Variants in NDUFA10 observed in about 807,000 individuals in gnomAD.
NDUFA10 encodes NADH:ubiquinone oxidoreductase subunit A10, also known as NADH dehydrogenase [ubiquinone] 1 alpha subcomplex subunit 10, mitochondrial.
NDUFA10 carries 40 observed loss-of-function variants against 47.8 expected under a neutral mutation model. That is an observed-to-expected ratio of 0.84 (90% confidence interval 0.65 to 1.09). NDUFA10 has a LOEUF of 1.09. Among genes scored for constraint, NDUFA10 ranks in the 50% least tolerant of loss-of-function variants. The pLI, the probability that NDUFA10 is intolerant of heterozygous loss-of-function variation, is 0.00. For synonymous variants in NDUFA10, 183 were observed against 172.2 expected (o/e 1.06, Z -0.49); for missense variants, 413 against 451.1 (o/e 0.92, Z 0.76).
chr2:239,961,150 C>T lies in NDUFA10; in HGVS notation c.1036G>A (p.Glu346Lys), dbSNP rs568984617. ...GRKYSPGYNT[E>K]VGDKWIWLK ...AGCCAGATCCACTTGTCTCCCACCT[C>T]GGTGTTGTACCCAGGGCTGTACTTG... Residue 346 changes from glutamate (E) to lysine (K), a missense_variant, in exon 10 of 10, where the codon GAG (glutamate) becomes AAG (lysine). Transcript: ENST00000252711. The T allele has an allele frequency of 5.0e-5, 81 of 1,614,156 alleles. No individual in the cohort carries two copies. The highest frequency in any genetic ancestry group is 2.7e-4 in the Admixed American group (16 of 60,024).
chr2:239,937,826 T>C lies in NDUFA10; in HGVS notation c.295-42512A>G, dbSNP rs576480247. ...TTCTCCACATCCTTGTCAACGTTGG[T>C]TACCATCTACCTTTTTATTACAGCC... On this transcript the variant is annotated intron_variant, in intron 4 of 5. Transcript: ENST00000419408. Among the ~76,000 whole-genome samples, 14 of 152,302 alleles carry C rather than the reference T, an allele frequency of 9.2e-5. No homozygotes were observed. The South Asian group carries it at 2.9e-3, about 32-fold the overall frequency.
chr2:239,972,643 C>T (rs571452022), intron 9 of NDUFA10, among the ~76,000 whole-genome samples: 2 of 152,274 alleles, frequency 1.3e-5, no homozygotes, highest in Non-Finnish European at 2.9e-5. Context: ...AGTCAACTTT[C>T]AAAAACCATA....
chr2:240,008,277 G>C (rs1697019680), intron 6 of NDUFA10, among the ~76,000 whole-genome samples: 1 of 152,096 alleles, frequency 6.6e-6, no homozygotes, highest in Non-Finnish European at 1.5e-5. Context: ...ACTGCAACGA[G>C]ATCACTGCAC....
At chr2:239,994,194 C>G (rs1326886028) in intron 8 of NDUFA10, among the ~76,000 whole-genome samples, 1 of 152,122 alleles carries the variant, frequency 6.6e-6, no homozygotes, top group African/African-American at 2.4e-5. Flanking sequence ...CTGTCCCCAG[C>G]CTCCGGGCCA....
intron 4 of NDUFA10, among the ~76,000 whole-genome samples, chr2:239,910,441 C>T (rs1388710339): frequency 6.6e-6 from 1 of 152,166 alleles, no homozygotes. Flanking sequence ...TGGAAGCCAT[C>T]ATCCTCAGTC....
In NDUFA10 at chr2:239,958,019, A is replaced by C. The variant is rs946913739; in HGVS notation, c.*3099T>G. The C allele has an allele frequency of 6.6e-6, 1 of 152,250 alleles. No homozygotes were observed. The highest frequency in any genetic ancestry group is 1.5e-5 in the Non-Finnish European group (1 of 68,052). The allele number at this position is 152,250 out of a possible 1,614,324, so 9.4% of individuals were successfully genotyped here. On this transcript the variant is annotated 3_prime_UTR_variant, in exon 10 of 10. Coordinates refer to ENST00000252711, the MANE Select transcript of NDUFA10 (RefSeq NM_004544.4). ...AATCACCTCCTCTGTTTTCTGGCTC[A>C]TGATTTTCCTAAAGCAAAGCCTCAG... is the stretch of plus-strand genomic sequence containing the variant.
intron 6 of NDUFA10, among the ~76,000 whole-genome samples, chr2:240,007,952 A>G (rs1201937632): frequency 1.3e-5 from 2 of 152,210 alleles, no homozygotes; most frequent in African/African-American, 4.8e-5. Flanking sequence ...GTAAACATAC[A>G]GGGTAAGTAA....
intron 4 of NDUFA10, among the ~76,000 whole-genome samples, chr2:239,901,461 T>A (rs1693548413): frequency 6.6e-6 from 1 of 152,042 alleles, no homozygotes; most frequent in African/African-American, 2.4e-5. Flanking sequence ...TGTGACCTAC[T>A]GCTCAGAAAA....
At chr2:239,994,824 C>CA (rs1696401165) in intron 8 of NDUFA10, among the ~76,000 whole-genome samples, 1 of 152,054 alleles carries the variant, frequency 6.6e-6, no homozygotes, top group Non-Finnish European at 1.5e-5. Flanking sequence ...AAAATGTTAA[C>CA]AGAGTTTTAA....
chr2:240,006,068 T>C (rs1696937327), intron 7 of NDUFA10, among the ~76,000 whole-genome samples: 1 of 152,182 alleles, frequency 6.6e-6, no homozygotes, highest in African/African-American at 2.4e-5. Flanking sequence ...AGAGGAGTAA[T>C]CTTTCCATAC....
chr2:239,916,274 CACAT>C (rs941670894), intron 4 of NDUFA10, among the ~76,000 whole-genome samples: 4 of 151,696 alleles, frequency 2.6e-5, no homozygotes, highest in African/African-American at 9.7e-5. Flanking sequence ...AGAACACACA[CACAT>C]ACACAGATAC....
At chr2:240,002,330 CAAAAAAAAAA>C (rs61475593) in intron 8 of NDUFA10, among the ~76,000 whole-genome samples, 36,471 of 84,456 alleles carry the variant, frequency 0.43, 5,666 homozygotes, top group East Asian at 0.56. Context: ...AACTCTGACT[CAAAAAAAAAA>C]AAAAAAAAAA....
intron 9 of NDUFA10, among the ~76,000 whole-genome samples, chr2:239,967,698 G>C (rs2106403734): frequency 6.6e-6 from 1 of 152,346 alleles, no homozygotes; most frequent in South Asian, 2.1e-4. Context: ...TGATTCTCCA[G>C]CTCCAGGTGA....
At chr2:239,934,018 C>G (rs957124796) in intron 4 of NDUFA10, among the ~76,000 whole-genome samples, 6 of 152,000 alleles carry the variant, frequency 3.9e-5, no homozygotes, top group Admixed American at 2.6e-4. Context: ...CTGCCAGGCC[C>G]GGATAATTTA....
At chr2:239,985,700 A>T (rs1449109904) in intron 9 of NDUFA10, among the ~76,000 whole-genome samples, 1 of 152,192 alleles carries the variant, frequency 6.6e-6, no homozygotes, top group African/African-American at 2.4e-5. Context: ...ACCTGAGATC[A>T]GGAGTTTGAG....
intron 4 of NDUFA10, among the ~76,000 whole-genome samples, chr2:239,919,713 C>T (rs1462787835): frequency 6.6e-6 from 1 of 152,212 alleles, no homozygotes; most frequent in African/African-American, 2.4e-5. Context: ...GACACACAAA[C>T]AAAACCATCC....
rs1248245379 is a variant in NDUFA10, at chr2:240,007,336, C to T, written c.784G>A (p.Glu262Lys). The T allele has an allele frequency of 1.9e-6, 3 of 1,595,808 alleles. No individual in the cohort carries two copies. Among genetic ancestry groups the T allele is most frequent in the African/African-American group, 1.3e-5 (1 of 74,754 alleles). Reference protein sequence around the residue: ...KCEVLQYSAREAQDSKKVVED... With the variant: ...KCEVLQYSARKAQDSKKVVED... The stretch of plus-strand genomic sequence containing the variant: ...CTTACCTTTTTTGAATCTTGAGCTT[C>T]CCTTGCAGAATATTGTAAAACCTCA... The change falls in exon 7 of 10, where the codon GAA becomes AAA. Residue 262 changes from glutamate (E) to lysine (K), a missense_variant. Physicochemically the swap from Glu to Lys is moderately conservative, Grantham distance 56. Transcript: ENST00000252711.
At chr2:239,941,043 G>A (rs749623118) in intron 4 of NDUFA10, among the ~76,000 whole-genome samples, 4 of 152,208 alleles carry the variant, frequency 2.6e-5, no homozygotes, top group Non-Finnish European at 5.9e-5. Context: ...CACCCAGGAA[G>A]GGTAAGCGAA....
chr2:239,919,861 C>A (rs755331550), intron 4 of NDUFA10, among the ~76,000 whole-genome samples: 6 of 152,224 alleles, frequency 3.9e-5, no homozygotes, highest in Non-Finnish European at 8.8e-5. Flanking sequence ...ACGGCCCCTA[C>A]GGAAGGAGGG....
Sources: allele counts gnomAD v4.1 joint callset (sites outside exome capture counted in the v4.1 genomes callset), GRCh38; gene constraint gnomAD v4.1.1; transcripts MANE v1.5; gene names NCBI Gene and HGNC (gene_info 2026-07-23, HGNC 2026-07-21).